Variants in CRISPLD2 observed in about 807,000 individuals in gnomAD.
CRISPLD2 encodes cysteine-rich secretory protein LCCL domain-containing 2.
In CRISPLD2, 47 loss-of-function variants were observed where a neutral mutation model predicts 71.1. The observed-to-expected ratio is 0.66, with a 90% CI of 0.52 to 0.84. The LOEUF (loss-of-function observed/expected upper bound fraction) is 0.84, where lower values mean the gene tolerates loss of function less well. CRISPLD2 is among the 40% of genes least tolerant of loss of function. The probability of loss-of-function intolerance (pLI) is 0.00; values close to 1 mark genes in which losing one functional copy is unlikely to be tolerated. For synonymous variants in CRISPLD2, 317 were observed against 250.1 expected, an observed-to-expected ratio of 1.27 and a Z score of -2.52; for missense variants, 830 against 651.1, an observed-to-expected ratio of 1.27 and a Z score of -2.99.
intron 5 of CRISPLD2, among the ~76,000 whole-genome samples, chr16:84,853,409 C>G (rs1012740441): frequency 1.3e-5 from 2 of 152,158 alleles, no homozygotes; most frequent in African/African-American, 4.8e-5. Flanking sequence ...ATGGCACGGA[C>G]GCGATCATTC....
chr16:84,898,805 A>G (rs1171328821), intron 14 of CRISPLD2, among the ~76,000 whole-genome samples: 2 of 152,164 alleles, frequency 1.3e-5, no homozygotes, highest in Non-Finnish European at 2.9e-5. Context: ...CAATTGGTTC[A>G]GAGTTGGTTG....
intron 2 of CRISPLD2, among the ~76,000 whole-genome samples, chr16:84,841,344 C>T (rs1329478248): frequency 3.3e-5 from 5 of 151,994 alleles, no homozygotes; most frequent in African/African-American, 7.3e-5. Context: ...CTTTCCTTAA[C>T]GGGAGAAAAG....
intron 13 of CRISPLD2, among the ~76,000 whole-genome samples, chr16:84,884,261 G>A (rs1033802348): frequency 7.2e-5 from 11 of 152,346 alleles, no homozygotes; most frequent in African/African-American, 2.6e-4. Context: ...TCAGCTGAGT[G>A]ATTTGGGGCA....
At chr16:84,875,434 T>TC (rs1221898915) in intron 11 of CRISPLD2, among the ~76,000 whole-genome samples, 1 of 150,886 alleles carries the variant, frequency 6.6e-6, no homozygotes, top group Non-Finnish European at 1.5e-5. Flanking sequence ...TTTTTTTTTT[T>TC]TTTGTAGCTC....
chr16:84,835,490 T>C (rs4782669), intron 1 of CRISPLD2, among the ~76,000 whole-genome samples: 110,066 of 151,814 alleles, frequency 0.73, 40,132 homozygotes, highest in Non-Finnish European at 0.75. Context: ...GCAGGGACCC[T>C]CCGACCCACC....
chr16:84,896,092 G>A (rs2071703356), intron 14 of CRISPLD2, among the ~76,000 whole-genome samples: 1 of 149,018 alleles, frequency 6.7e-6, no homozygotes, highest in Non-Finnish European at 1.5e-5. Context: ...AGGCTGGGAT[G>A]CAGTGGCGCG....
rs59952947 is a variant in CRISPLD2 at position 84,849,839 on chromosome 16, TC to T, written c.492+324del. Among the ~76,000 whole-genome samples, 519 of 150,890 alleles carry T rather than the reference TC, an allele frequency of 3.4e-3. 2 individuals carry two copies. Among genetic ancestry groups the T allele is most frequent in the African/African-American group, 0.012 (476 of 41,120 alleles). ...CTCAAGCAATCCTCCCACCTCAGCC[TC>T]CTGAGTACCTGGGACTACAGTTGTG... On this transcript the variant is annotated intron_variant, in intron 4 of 14. Coordinates refer to ENST00000262424, the MANE Select transcript of CRISPLD2 (RefSeq NM_031476.4).
intron 6 of CRISPLD2, among the ~76,000 whole-genome samples, chr16:84,865,033 C>T (rs967519110): frequency 6.6e-6 from 1 of 152,106 alleles, no homozygotes; most frequent in African/African-American, 2.4e-5. Flanking sequence ...ATTTGCCCCT[C>T]GTTTGGCTGT....
rs180850723 is a variant in CRISPLD2 at position 84,838,938 on chromosome 16, G to A, written c.240+203G>A. The A allele has an allele frequency of 1.6e-3, 1,185 of 744,046 alleles. 1 individual carries two copies. Among genetic ancestry groups the A allele is most frequent in the Non-Finnish European group, 2.4e-3 (1,033 of 428,890 alleles). 46.1% of individuals were successfully genotyped at this position (744,046 alleles called of 1,614,324 possible). ...GGGTCTCACTCTGCCACTGACGCTG[G>A]AGTGCAATGGCACAATCGTCATGCC... On this transcript the variant is annotated intron_variant, in intron 2 of 14. Transcript: ENST00000262424.
Position 84,849,640 on chromosome 16 carries a change from T to C in CRISPLD2, c.492+123T>C. 1.9e-5 allele frequency: 20 copies of C among 1,054,778 alleles called. 1 individual carries two copies. In the South Asian group the frequency reaches 2.8e-4, roughly 15 times the overall value. The allele number at this position is 1,054,778 out of a possible 1,614,324, so 65.3% of individuals were successfully genotyped here. ...CTGTTGTTGCCTTCATTTTTAAAAATTCAGTTCTATACAGAGTACAGCTGG... is the reference window on the plus strand; with the variant it reads ...CTGTTGTTGCCTTCATTTTTAAAAACTCAGTTCTATACAGAGTACAGCTGG... On this transcript the variant is annotated intron_variant, in intron 4 of 14. Coordinates refer to ENST00000262424, the MANE Select transcript of CRISPLD2 (RefSeq NM_031476.4).
intron 6 of CRISPLD2, among the ~76,000 whole-genome samples, chr16:84,860,245 T>G (rs974099137): frequency 6.6e-6 from 1 of 152,194 alleles, no homozygotes; most frequent in African/African-American, 2.4e-5. Flanking sequence ...AAATGCAGAA[T>G]CCCTATTTAG....
chr16:84,875,608 G>T (rs867894430), intron 11 of CRISPLD2, among the ~76,000 whole-genome samples: 1 of 151,496 alleles, frequency 6.6e-6, no homozygotes, highest in South Asian at 2.1e-4. Flanking sequence ...CCAGCCTGGA[G>T]TGCAGTGGCG....
rs2071823178 is a variant in CRISPLD2, at chr16:84,908,350, A to G, written c.*1708A>G. Reference sequence around the variant, plus strand: ...CAGCCCCAAATGTCGGAGAGGAAGAATTCGGTCAGCCTGTCAGGTCGTGAG... The same window carrying G: ...CAGCCCCAAATGTCGGAGAGGAAGAGTTCGGTCAGCCTGTCAGGTCGTGAG... On this transcript the variant is annotated 3_prime_UTR_variant, in exon 15 of 15. Transcript: ENST00000262424. 6.6e-6 allele frequency: 1 copy of G among 152,282 alleles called. No homozygotes were observed. Among genetic ancestry groups the G allele is most frequent in the Admixed American group, 6.5e-5 (1 of 15,290 alleles). The allele number at this position is 152,282 out of a possible 1,614,324, so 9.4% of individuals were successfully genotyped here. A position where few individuals can be genotyped will look rare whatever the true frequency, so the allele number is the denominator to read the frequency against.
intron 6 of CRISPLD2, among the ~76,000 whole-genome samples, chr16:84,856,289 C>T (rs1199277070): frequency 6.6e-6 from 1 of 152,198 alleles, no homozygotes; most frequent in Non-Finnish European, 1.5e-5. Flanking sequence ...CATACTCTTC[C>T]TTACCTCCAC....
chr16:84,880,000 C>T (rs186462513), intron 12 of CRISPLD2, among the ~76,000 whole-genome samples: 9 of 152,322 alleles, frequency 5.9e-5, no homozygotes, highest in African/African-American at 1.9e-4. Context: ...TCTGTGGTGA[C>T]TGACACACAG....
In CRISPLD2 at chr16:84,850,617, G is replaced by C. The variant is rs368719942; in HGVS notation, c.542G>C (p.Arg181Pro). ...ATCGGTTGTGCTGTGAACACCTGCCGGAAGATGACTGTCTGGGGAGAAGTT... is the reference window on the plus strand; with the variant it reads ...ATCGGTTGTGCTGTGAACACCTGCCCGAAGATGACTGTCTGGGGAGAAGTT... ...NKIGCAVNTC[R>P]KMTVWGEVWE... Residue 181 changes from arginine to proline, a missense_variant, in exon 5 of 15, where the codon CGG becomes CCG. Coordinates refer to ENST00000262424, the MANE Select transcript of CRISPLD2 (RefSeq NM_031476.4). The C allele has an allele frequency of 3.7e-6, 6 of 1,614,008 alleles. No individual in the cohort carries two copies. Among genetic ancestry groups the C allele is most frequent in the Non-Finnish European group, 4.2e-6 (5 of 1,180,044 alleles).
intron 3 of CRISPLD2, among the ~76,000 whole-genome samples, chr16:84,847,423 G>A (rs971977696): frequency 1.3e-5 from 2 of 152,142 alleles, no homozygotes; most frequent in Admixed American, 6.5e-5. Context: ...AGGCCAAGGT[G>A]GGCAGAATAC....
At chr16:84,887,666 C>T (rs576515882) in intron 13 of CRISPLD2, among the ~76,000 whole-genome samples, 3 of 152,152 alleles carry the variant, frequency 2.0e-5, no homozygotes, top group African/African-American at 7.2e-5. Flanking sequence ...CACCTGAGGT[C>T]AGGAGTTCGA....
At chr16:84,894,474 A>T (rs1382691304) in intron 14 of CRISPLD2, among the ~76,000 whole-genome samples, 2 of 152,208 alleles carry the variant, frequency 1.3e-5, no homozygotes, top group Non-Finnish European at 2.9e-5. Flanking sequence ...CATTCACCTA[A>T]CACTCATGGG....
Sources: gnomAD v4.1 joint callset for allele counts (sites outside exome capture counted in the v4.1 genomes callset) on GRCh38, gnomAD v4.1.1 for gene constraint, MANE v1.5 for transcripts, NCBI Gene and HGNC (gene_info 2026-07-23, HGNC 2026-07-21) for gene names.